The following EPM2AIP1 variants were observed in gnomAD, a reference collection of about 807,000 sequenced individuals.
The protein encoded by EPM2AIP1 is EPM2A interacting protein 1.
In EPM2AIP1, 23 loss-of-function variants were observed where a neutral mutation model predicts 44.8. The ratio of observed to expected loss-of-function variants is 0.51; its 90% CI spans 0.37 to 0.73. The LOEUF is 0.73. EPM2AIP1 is among the 30% of genes least tolerant of loss of function. EPM2AIP1 has a pLI of 0.00. For missense variants in EPM2AIP1, 652 were observed against 743.9 expected, an observed-to-expected ratio of 0.88 and a Z score of 1.44; for synonymous variants, 311 against 284.3, an observed-to-expected ratio of 1.09 and a Z score of -0.94.
chr3:36,989,846 G>A lies in EPM2AIP1; in HGVS notation c.*1408C>T, dbSNP rs970608782. The A allele has an allele frequency of 6.6e-6, 1 of 152,096 alleles. No homozygotes were observed. Among genetic ancestry groups the A allele is most frequent in the African/African-American group, 2.4e-5 (1 of 41,412 alleles). 9.4% of individuals were successfully genotyped at this position (152,096 alleles called of 1,614,324 possible). ...CCACTGGCACAACTTTGGTTTTTAA[G>A]CTCTTATGCCATTTATTTTAATTGC... On this transcript the variant is annotated 3_prime_UTR_variant, in exon 1 of 1. Transcript: ENST00000322716.
Position 36,993,066 on chromosome 3 carries a change from C to A in EPM2AIP1, c.12G>T (p.Thr4=). 6.2e-7 allele frequency: 1 copy of A among 1,603,958 alleles called. No homozygotes were observed. Among genetic ancestry groups the A allele is most frequent in the Non-Finnish European group, 8.5e-7 (1 of 1,173,628 alleles). Residue 4 remains threonine (T), a synonymous_variant, in exon 1 of 1, where the codon ACG becomes ACT. Transcript: ENST00000322716. ...CGACTTCCATCTTGCTTCTTTTGGG[C>A]GTCATCCACATTCTGCGGGAGGCCA... MWM[T]PKRSKMEVDE... is the part of the protein sequence containing the mutation.
Position 36,990,287 on chromosome 3 carries a change from A to T in EPM2AIP1, c.*967T>A. The stretch of plus-strand genomic sequence containing the variant: ...ACAAAATCTGATACTGTATCATTTT[A>T]AAACAAAGTGTTTACTTTAGGCAGG... On this transcript the variant is annotated 3_prime_UTR_variant, in exon 1 of 1. Coordinates refer to ENST00000322716, the MANE Select transcript of EPM2AIP1 (RefSeq NM_014805.4). 2 of 361,574 alleles carry T rather than the reference A, an allele frequency of 5.5e-6. No homozygotes were observed. The highest frequency in any genetic ancestry group is 7.7e-6 in the Non-Finnish European group (2 of 259,660). 22.4% of individuals were successfully genotyped at this position (361,574 alleles called of 1,614,324 possible).
In EPM2AIP1 at chr3:36,991,729, T is replaced by C; in HGVS notation, c.1349A>G (p.Glu450Gly). ...VVDELKQQNK[E>G]DEKIFDPDRY... ...ATCAGGATCAAATATTTTTTCATCT[T>C]CCTTATTTTGCTGTTTTAGCTCATC... Residue 450 changes from glutamate (E) to glycine (G), a missense_variant, in exon 1 of 1, where the codon GAA (glutamate) becomes GGA (glycine). Physicochemically the swap from Glu to Gly is moderately conservative, Grantham distance 98. Coordinates refer to ENST00000322716, the MANE Select transcript of EPM2AIP1 (RefSeq NM_014805.4). The C allele has an allele frequency of 6.2e-7, 1 of 1,613,766 alleles. No homozygotes were observed.
chr3:36,990,164 A>G lies in EPM2AIP1; in HGVS notation c.*1090T>C, dbSNP rs77029510. The G allele has an allele frequency of 9.0e-3, 1,382 of 152,970 alleles. 26 individuals carry two copies. Among genetic ancestry groups the G allele is most frequent in the African/African-American group, 0.032 (1,320 of 41,572 alleles). The allele number at this position is 152,970 out of a possible 1,614,324, so 9.5% of individuals were successfully genotyped here. ...AATACAGAATTACTGCAATCTGTGAATAAGACTGCTTTTAAATATTTCTAC... is the reference window on the plus strand; with the variant it reads ...AATACAGAATTACTGCAATCTGTGAGTAAGACTGCTTTTAAATATTTCTAC... On this transcript the variant is annotated 3_prime_UTR_variant, in exon 1 of 1. Coordinates refer to ENST00000322716, the MANE Select transcript of EPM2AIP1 (RefSeq NM_014805.4).
In EPM2AIP1 at chr3:36,991,802, T is replaced by C. The variant is rs2080813762; in HGVS notation, c.1276A>G (p.Ile426Val). The change falls in exon 1 of 1, where the codon ATT becomes GTT. Residue 426 changes from isoleucine (I) to valine (V), a missense_variant. Coordinates refer to ENST00000322716, the MANE Select transcript of EPM2AIP1 (RefSeq NM_014805.4). The part of the protein sequence containing the change: ...EVKLNLFQRH[I>V]EEKNLTDFPA... Reference sequence around the variant, plus strand: ...AAGTCTGTTAGATTTTTTTCCTCAATATGTCTTTGAAATAAATTCAGCTTA... The same window carrying C: ...AAGTCTGTTAGATTTTTTTCCTCAACATGTCTTTGAAATAAATTCAGCTTA... 5 of 1,613,568 alleles carry C rather than the reference T, an allele frequency of 3.1e-6. No homozygotes were observed. Among genetic ancestry groups the C allele is most frequent in the South Asian group, 1.1e-5 (1 of 91,060 alleles).
Position 36,993,061 on chromosome 3 carries a change from T to C in EPM2AIP1, c.17A>G (p.Lys6Arg), listed in dbSNP as rs1434349140. MWMTP[K>R]RSKMEVDEAL... is the part of the protein sequence containing the mutation. ...CTCGTCGACTTCCATCTTGCTTCTT[T>C]TGGGCGTCATCCACATTCTGCGGGA... The change falls in exon 1 of 1, where the codon AAA becomes AGA. Residue 6 changes from lysine (K) to arginine (R), a missense_variant. By Grantham distance (26) the Lys-to-Arg change is conservative. Coordinates refer to ENST00000322716, the MANE Select transcript of EPM2AIP1 (RefSeq NM_014805.4). 1.2e-6 allele frequency: 2 copies of C among 1,606,176 alleles called. No homozygotes were observed. The highest frequency in any genetic ancestry group is 1.7e-6 in the Non-Finnish European group (2 of 1,174,992).
Position 36,990,875 on chromosome 3 carries a change from A to C in EPM2AIP1, c.*379T>G. The C allele has an allele frequency of 2.0e-6, 2 of 992,784 alleles. No individual in the cohort carries two copies. Among genetic ancestry groups the C allele is most frequent in the East Asian group, 1.1e-4 (1 of 9,262 alleles). The allele number at this position is 992,784 out of a possible 1,614,324, so 61.5% of individuals were successfully genotyped here. On this transcript the variant is annotated 3_prime_UTR_variant, in exon 1 of 1. Transcript: ENST00000322716. ...ACATTTAAGGAGTTGATAATTTAAG[A>C]CTATATGAATCAGAATTTTAACACT...
chr3:36,991,991 C>G lies in EPM2AIP1; in HGVS notation c.1087G>C (p.Val363Leu). 1 of 1,613,778 alleles carries G rather than the reference C, an allele frequency of 6.2e-7. No homozygotes were observed. The highest frequency in any genetic ancestry group is 8.5e-7 in the Non-Finnish European group (1 of 1,179,874). ...TGGACTGTTGTTGCCCCTACTGAAA[C>G]CAAGAACGCTTCCATTTCTTTTCTT... ...SLRKEMEAFL[V>L]SVGATTVHFS... The change falls in exon 1 of 1, where the codon GTT becomes CTT. Residue 363 changes from valine to leucine, a missense_variant. Physicochemically the swap from Val to Leu is conservative, Grantham distance 32. Transcript: ENST00000322716.
In EPM2AIP1 at chr3:36,991,767, G is replaced by A. The variant is rs138999167; in HGVS notation, c.1311C>T (p.Leu437=). ...GTTTTAGCTCATCAACAACTTCTCTGAGGGCAGGAAAGTCTGTTAGATTTT... is the reference window on the plus strand; with the variant it reads ...GTTTTAGCTCATCAACAACTTCTCTAAGGGCAGGAAAGTCTGTTAGATTTT... ...EEKNLTDFPA[L]REVVDELKQQ... The change falls in exon 1 of 1, where the codon CTC becomes CTT. Residue 437 remains leucine (L), a synonymous_variant. Coordinates refer to ENST00000322716, the MANE Select transcript of EPM2AIP1 (RefSeq NM_014805.4). 1.2e-6 allele frequency: 2 copies of A among 1,613,632 alleles called. No homozygotes were observed. The highest frequency in any genetic ancestry group is 2.2e-5 in the East Asian group (1 of 44,866).
At position 36,992,081 on chromosome 3, in the gene EPM2AIP1, C is replaced by T; in HGVS notation, c.997G>A (p.Val333Ile). 3 of 1,614,022 alleles carry T rather than the reference C, an allele frequency of 1.9e-6. No individual in the cohort carries two copies. The highest frequency in any genetic ancestry group is 2.5e-6 in the Non-Finnish European group (3 of 1,179,890). ...CAATTGTTCAGACATCGTCCATTAA[C>T]CCTTTCACCATGCTCTGATTCAGAT... ...TESESEHGER[V>I]NGRCLNNWLR... The change falls in exon 1 of 1, where the codon GTT (valine) becomes ATT (isoleucine). Residue 333 changes from valine to isoleucine, a missense_variant. Transcript: ENST00000322716. This position sits in a 1 kb window ranked among gnomAD's most constrained non-coding sequence, Gnocchi z 5.3.
rs1319681842 is a variant in EPM2AIP1, at chr3:36,986,505, G to A, written c.*4749C>T. ...GATTAAAAGCCAGTTTTGCCGCCGG[G>A]TGCAGAGGCTCACACGTATAACACC... On this transcript the variant is annotated 3_prime_UTR_variant, in exon 1 of 1. Transcript: ENST00000322716. 1 of 152,018 alleles carries A rather than the reference G, an allele frequency of 6.6e-6. No homozygotes were observed. Among genetic ancestry groups the A allele is most frequent in the African/African-American group, 2.4e-5 (1 of 41,364 alleles). The allele number at this position is 152,018 out of a possible 1,614,324, so 9.4% of individuals were successfully genotyped here.
chr3:36,990,341 C>A lies in EPM2AIP1; in HGVS notation c.*913G>T. 1.2e-6 allele frequency: 1 copy of A among 821,300 alleles called. No individual in the cohort carries two copies. The highest frequency in any genetic ancestry group is 1.5e-6 in the Non-Finnish European group (1 of 680,338). 50.9% of individuals were successfully genotyped at this position (821,300 alleles called of 1,614,324 possible). ...TTTTAAAATAAAGCAGCAATACCCA[C>A]GCAGATAAGACAAAAAAGCTAAAAT... On this transcript the variant is annotated 3_prime_UTR_variant, in exon 1 of 1. Coordinates refer to ENST00000322716, the MANE Select transcript of EPM2AIP1 (RefSeq NM_014805.4).
Position 36,991,657 on chromosome 3 carries a change from T to A in EPM2AIP1, c.1421A>T (p.His474Leu). Residue 474 changes from histidine (H) to leucine (L), a missense_variant, in exon 1 of 1, where the codon CAT becomes CTT. By Grantham distance (99) the His-to-Leu change is moderately conservative (BLOSUM62 -3). Coordinates refer to ENST00000322716, the MANE Select transcript of EPM2AIP1 (RefSeq NM_014805.4). Reference sequence around the variant, plus strand: ...TTTAATGAACCTGAGGTCCTTAAAATGTCTCTCAAATTCTTTTTGGAGACG... The same window carrying A: ...TTTAATGAACCTGAGGTCCTTAAAAAGTCTCTCAAATTCTTTTTGGAGACG... ...ICRLQKEFER[H>L]FKDLRFIKKD... 1 of 1,612,828 alleles carries A rather than the reference T, an allele frequency of 6.2e-7. No individual in the cohort carries two copies. Among genetic ancestry groups the A allele is most frequent in the South Asian group, 1.1e-5 (1 of 91,010 alleles).
Position 36,991,357 on chromosome 3 carries a change from G to A in EPM2AIP1, c.1721C>T (p.Pro574Leu). ...GGCTTGGAGATGCTCATCTGTTAAT[G>A]GCTGACTCAAAGTGTGTTGGTTTCG... The part of the protein sequence containing the change: ...LTRNQHTLSQ[P>L]LTDEHLQALF... Residue 574 changes from proline (P) to leucine (L), a missense_variant, in exon 1 of 1, where the codon CCA (proline) becomes CTA (leucine). By Grantham distance (98) the Pro-to-Leu change is moderately conservative (BLOSUM62 -3). Coordinates refer to ENST00000322716, the MANE Select transcript of EPM2AIP1 (RefSeq NM_014805.4). 1 of 1,614,026 alleles carries A rather than the reference G, an allele frequency of 6.2e-7. No homozygotes were observed. Among genetic ancestry groups the A allele is most frequent in the Non-Finnish European group, 8.5e-7 (1 of 1,179,904 alleles).
chr3:36,992,196 A>T lies in EPM2AIP1; in HGVS notation c.882T>A (p.Val294=). 1 of 1,613,946 alleles carries T rather than the reference A, an allele frequency of 6.2e-7. No individual in the cohort carries two copies. The highest frequency in any genetic ancestry group is 8.5e-7 in the Non-Finnish European group (1 of 1,179,820). ...LELLSSYDVD[V]NQIINTISEW... ...CGGATATGGTATTTATGATCTGATTAACATCTACATCATAGGAGCTCAACA... is the reference window on the plus strand; with the variant it reads ...CGGATATGGTATTTATGATCTGATTTACATCTACATCATAGGAGCTCAACA... Residue 294 remains valine (V), a synonymous_variant, in exon 1 of 1, where the codon GTT becomes GTA. Transcript: ENST00000322716. The surrounding 1 kb of genome is among the most constrained non-coding windows in gnomAD (Gnocchi z 5.3).
chr3:36,992,562 A>G lies in EPM2AIP1; in HGVS notation c.516T>C (p.Phe172=), dbSNP rs757612926. The G allele has an allele frequency of 9.3e-6, 15 of 1,613,942 alleles. No individual in the cohort carries two copies. In the African/African-American group the frequency reaches 1.5e-4, roughly 16 times the overall value. ...CGTCCAAGGCAAGAGAATAGGCTTT[A>G]AAGTCCCTGGCTCGGTTAAAAAGCT... ...RNQLFNRARD[F]KAYSLALDDQ... is the part of the protein sequence containing the mutation. The change falls in exon 1 of 1, where the codon TTT becomes TTC. Residue 172 remains phenylalanine, a synonymous_variant. Coordinates refer to ENST00000322716, the MANE Select transcript of EPM2AIP1 (RefSeq NM_014805.4). This position sits in a 1 kb window ranked among gnomAD's most constrained non-coding sequence, Gnocchi z 5.3.
Position 36,989,288 on chromosome 3 carries a change from T to C in EPM2AIP1, c.*1966A>G, listed in dbSNP as rs1425959063. On this transcript the variant is annotated 3_prime_UTR_variant, in exon 1 of 1. Coordinates refer to ENST00000322716, the MANE Select transcript of EPM2AIP1 (RefSeq NM_014805.4). ...TTGGGAAATTACCGGTAGATTTTTC[T>C]GTTTTTTTTTTTCGGTTTTCCACTA... 2 of 151,780 alleles carry C rather than the reference T, an allele frequency of 1.3e-5. No individual in the cohort carries two copies. The highest frequency in any genetic ancestry group is 2.9e-5 in the Non-Finnish European group (2 of 67,928). 9.4% of individuals were successfully genotyped at this position (151,780 alleles called of 1,614,324 possible).
chr3:36,991,825 T>C lies in EPM2AIP1; in HGVS notation c.1253A>G (p.Lys418Arg), dbSNP rs747875692. 22 of 1,613,378 alleles carry C rather than the reference T, an allele frequency of 1.4e-5. No homozygotes were observed. The Middle Eastern group carries it at 8.2e-4, about 60-fold the overall frequency. ...AATATGTCTTTGAAATAAATTCAGC[T>C]TAACTTCGAAAGTACAAATATGGTC... The part of the protein sequence containing the change: ...AFDHICTFEV[K>R]LNLFQRHIEE... The change falls in exon 1 of 1, where the codon AAG (lysine) becomes AGG (arginine). Residue 418 changes from lysine to arginine, a missense_variant. Physicochemically the swap from Lys to Arg is conservative, Grantham distance 26. Transcript: ENST00000322716.
At position 36,991,234 on chromosome 3, in the gene EPM2AIP1, C is replaced by T; in HGVS notation, c.*20G>A. On this transcript the variant is annotated 3_prime_UTR_variant, in exon 1 of 1. Coordinates refer to ENST00000322716, the MANE Select transcript of EPM2AIP1 (RefSeq NM_014805.4). ...AGAATTAAATTCTTGTTGAGTTTTTCAATCTTGTACTACAAAGCCTTATGG... is the reference window on the plus strand; with the variant it reads ...AGAATTAAATTCTTGTTGAGTTTTTTAATCTTGTACTACAAAGCCTTATGG... 6.6e-7 allele frequency: 1 copy of T among 1,519,878 alleles called. No individual in the cohort carries two copies. 94.1% of individuals were successfully genotyped at this position (1,519,878 alleles called of 1,614,324 possible). A position where few individuals can be genotyped will look rare whatever the true frequency, so the allele number is the denominator to read the frequency against.
Sources: allele counts gnomAD v4.1 joint callset, GRCh38; gene constraint gnomAD v4.1.1; non-coding constraint Gnocchi (gnomAD v3.1); transcripts MANE v1.5; gene names NCBI Gene and HGNC (gene_info 2026-07-23, HGNC 2026-07-21).